LCN1: variants seen among roughly 807,000 people sequenced by gnomAD.
LCN1 encodes the protein lipocalin-1.
Under a neutral mutation model 22.3 loss-of-function variants are expected in LCN1, and 25 were observed. The observed-to-expected ratio is 1.12, with a 90% CI of 0.82 to 1.56. The LOEUF is 1.56. Ranked by LOEUF, LCN1 falls within the 40% of genes most tolerant of loss-of-function variation. The pLI is 0.00. For missense variants in LCN1, 219 were observed against 235.6 expected (o/e 0.93, Z 0.46); for synonymous variants, 85 against 97.6 (o/e 0.87, Z 0.76).
rs377244175 is a variant in LCN1, at chr9:135,524,880, G to A, written c.454G>A (p.Ala152Thr). 25 of 1,607,932 alleles carry A rather than the reference G, an allele frequency of 1.6e-5. No homozygotes were observed. Among genetic ancestry groups the A allele is most frequent in the Admixed American group, 1.5e-4 (9 of 59,366 alleles). ...AGCCTTGGAGGACTTTGAGAAAGCC[G>A]CAGGAGCCCGCGGACTCAGCACGGA... ...LEALEDFEKA[A>T]GARGLSTESI... The change falls in exon 5 of 7, where the codon GCA becomes ACA. Residue 152 changes from alanine (A) to threonine (T), a missense_variant. By Grantham distance (58) the Ala-to-Thr change is moderately conservative (BLOSUM62 0). Coordinates refer to ENST00000371781, the MANE Select transcript of LCN1 (RefSeq NM_002297.4).
chr9:135,524,341 C>A (rs1325515349), intron 4 of LCN1, among the ~76,000 whole-genome samples: 1 of 152,168 alleles, frequency 6.6e-6, no homozygotes, highest in African/African-American at 2.4e-5. Flanking sequence ...GAGAGAGGAA[C>A]AGGGATGTGA....
At chr9:135,524,985 A>G in intron 5 of LCN1, 54 bp downstream of exon 5, 3 of 1,560,060 alleles carry the variant, frequency 1.9e-6, no homozygotes, top group South Asian at 2.3e-5. Flanking sequence ...GGACATCAGC[A>G]GAGCTGCATT....
chr9:135,521,816 C>T (rs1831502582), intron 1 of LCN1, among the ~76,000 whole-genome samples: 1 of 152,038 alleles, frequency 6.6e-6, no homozygotes, highest in Non-Finnish European at 1.5e-5. Context: ...TGGCTGACTT[C>T]ACTTCTTCCC....
In LCN1 at chr9:135,526,413, A is replaced by C. The variant is rs1258489286; in HGVS notation, c.*71A>C. The C allele has an allele frequency of 1.2e-5, 16 of 1,284,198 alleles. No individual in the cohort carries two copies. The highest frequency in any genetic ancestry group is 1.5e-5 in the Non-Finnish European group (15 of 987,156). The allele number at this position is 1,284,198 out of a possible 1,614,324, so 79.6% of individuals were successfully genotyped here. On this transcript the variant is annotated 3_prime_UTR_variant, in exon 7 of 7. Coordinates refer to ENST00000371781, the MANE Select transcript of LCN1 (RefSeq NM_002297.4). Reference sequence around the variant, plus strand: ...TCCAGCACCTCCGTCATTCACAGGGACATGGAAAAAGCTCCCCACCCCTGC... The same window carrying C: ...TCCAGCACCTCCGTCATTCACAGGGCCATGGAAAAAGCTCCCCACCCCTGC...
At chr9:135,523,812 C>T (rs1240747473) in intron 3 of LCN1, 68 bp from the exon 4 acceptor site, 10 of 1,358,882 alleles carry the variant, frequency 7.4e-6, no homozygotes, top group East Asian at 4.6e-5. Flanking sequence ...TGGCAACGCA[C>T]GCTGTCCCGG....
chr9:135,523,898 C>G lies in LCN1; in HGVS notation c.311C>G (p.Ala104Gly), dbSNP rs1831562138. 6.2e-7 allele frequency: 1 copy of G among 1,613,962 alleles called. No individual in the cohort carries two copies. Among genetic ancestry groups the G allele is most frequent in the African/African-American group, 1.3e-5 (1 of 74,932 alleles). Reference sequence around the variant, plus strand: ...TCTGCAGACGGGGGCAAGCACGTGGCATACATCATCAGGTCGCACGTGAAG... The same window carrying G: ...TCTGCAGACGGGGGCAAGCACGTGGGATACATCATCAGGTCGCACGTGAAG... ...KYTADGGKHV[A>G]YIIRSHVKDH... The change falls in exon 4 of 7, where the codon GCA (alanine) becomes GGA (glycine). Residue 104 changes from alanine (A) to glycine (G), a missense_variant. Transcript: ENST00000371781.
intron 6 of LCN1, among the ~76,000 whole-genome samples, chr9:135,525,548 A>T (rs1831617136): frequency 6.6e-6 from 1 of 152,120 alleles, no homozygotes. Context: ...GCAAAGTGGC[A>T]GGCGTGCCTG....
intron 6 of LCN1, among the ~76,000 whole-genome samples, chr9:135,525,871 A>G (rs1831630403): frequency 2.1e-5 from 2 of 93,388 alleles, no homozygotes; most frequent in South Asian, 4.1e-4. Context: ...TGTGCCCACC[A>G]CACCATAGCC....
At chr9:135,522,776 T>TGGCAATGACCCC (rs1831530902) in intron 2 of LCN1, among the ~76,000 whole-genome samples, 1 of 152,224 alleles carries the variant, frequency 6.6e-6, no homozygotes, top group South Asian at 2.1e-4. Context: ...TCACTGACCC[T>TGGCAATGACCCC]GGCAATGACC....
rs200530565 is a variant in LCN1, at chr9:135,521,519, G to T, written c.22G>T (p.Val8Phe). MKPLLLA[V>F]SLGLIAALQA... ...GGAGATGAAGCCCCTGCTCCTGGCC[G>T]TCAGCCTTGGCCTCATTGCTGCCCT... The change falls in exon 1 of 7, where the codon GTC (valine) becomes TTC (phenylalanine). Residue 8 changes from valine to phenylalanine, a missense_variant. Coordinates refer to ENST00000371781, the MANE Select transcript of LCN1 (RefSeq NM_002297.4). 1 of 1,612,900 alleles carries T rather than the reference G, an allele frequency of 6.2e-7. No homozygotes were observed. Among genetic ancestry groups the T allele is most frequent in the Non-Finnish European group, 8.5e-7 (1 of 1,179,918 alleles).
Position 135,523,243 on chromosome 9 carries a change from G to A in LCN1, c.233G>A (p.Arg78Gln), listed in dbSNP as rs752496340. Reference protein sequence around the residue: ...EAKVTMLISGRCQEVKAVLEK... With the variant: ...EAKVTMLISGQCQEVKAVLEK... ...CTTCTGTTTTCCAGGATAAGTGGCC[G>A]GTGCCAGGAGGTGAAGGCCGTCCTG... The change falls in exon 3 of 7, where the codon CGG becomes CAG. Residue 78 changes from arginine (R) to glutamine (Q), a missense_variant. By Grantham distance (43) the Arg-to-Gln change is conservative. Coordinates refer to ENST00000371781, the MANE Select transcript of LCN1 (RefSeq NM_002297.4). 33 of 1,612,184 alleles carry A rather than the reference G, an allele frequency of 2.0e-5. No individual in the cohort carries two copies. In the East Asian group the frequency reaches 2.5e-4, roughly 12 times the overall value.
At chr9:135,522,208 G>A (rs112090657) in intron 2 of LCN1, 31 bp downstream of exon 2, 25,908 of 1,598,054 alleles carry the variant, frequency 0.016, 540 homozygotes, top group African/African-American at 0.11. Flanking sequence ...CGGGCAGCCT[G>A]CAACCTGGTC....
intron 4 of LCN1, 43 bp downstream of exon 4, chr9:135,524,033 CCCTCCCT>C (rs772985139): frequency 1.4e-6 from 2 of 1,453,086 alleles, no homozygotes. Context: ...CCTCCACCTG[CCCTCCCT>C]CCTCCCTCGG....
At chr9:135,526,117 TC>T (rs1831640919) in intron 6 of LCN1, among the ~76,000 whole-genome samples, 2 of 37,848 alleles carry the variant, frequency 5.3e-5, no homozygotes, top group Admixed American at 8.2e-4. Context: ...CCCCACACCA[TC>T]ACCCCTGAGA....
At chr9:135,521,747 G>A (rs1367286710) in intron 1 of LCN1, among the ~76,000 whole-genome samples, 160 bp downstream of exon 1, 1 of 152,104 alleles carries the variant, frequency 6.6e-6, no homozygotes, top group African/African-American at 2.4e-5. Flanking sequence ...CAGGGGTCTG[G>A]GCTGGCAGGG....
At chr9:135,523,765 G>T in intron 3 of LCN1, 115 bp from the exon 4 acceptor site, 4 of 825,856 alleles carry the variant, frequency 4.8e-6, no homozygotes, top group Non-Finnish European at 7.9e-6. Context: ...GCTCTGGGAG[G>T]CTGGGAGGGT....
At chr9:135,525,757 G>T (rs905152137) in intron 6 of LCN1, among the ~76,000 whole-genome samples, 4 of 151,978 alleles carry the variant, frequency 2.6e-5, no homozygotes, top group African/African-American at 9.7e-5. Flanking sequence ...AGCCTGCGGG[G>T]GTGGTCCCTG....
intron 4 of LCN1, among the ~76,000 whole-genome samples, chr9:135,524,573 G>T (rs565068096): frequency 1.3e-5 from 2 of 152,128 alleles, no homozygotes; most frequent in African/African-American, 4.8e-5. Context: ...CTGTCGTGCC[G>T]TCCATCCTCA....
In LCN1 at chr9:135,525,120, C is replaced by T. The variant is rs1271477936; in HGVS notation, c.506-12C>T. 1.2e-6 allele frequency: 2 copies of T among 1,613,282 alleles called. No individual in the cohort carries two copies. Among genetic ancestry groups the T allele is most frequent in the Non-Finnish European group, 1.7e-6 (2 of 1,179,666 alleles). ...TGGGGTCTCCTAACGCCTGTGCTTC[C>T]TTTTCCTGCAGAAACCTGCTCTCCA... On this transcript the variant is annotated splice_polypyrimidine_tract_variant and intron_variant, in intron 5 of 6. Transcript: ENST00000371781.
Sources: gnomAD v4.1 joint callset for allele counts (sites outside exome capture counted in the v4.1 genomes callset) on GRCh38, gnomAD v4.1.1 for gene constraint, MANE v1.5 for transcripts, NCBI Gene and HGNC (gene_info 2026-07-23, HGNC 2026-07-21) for gene names.